Variants in TAFA2 observed in about 807,000 individuals in gnomAD.
TAFA2 encodes the protein chemokine-like protein TAFA-2.
In TAFA2, 7 loss-of-function variants were observed where a neutral mutation model predicts 18.8. That is an observed-to-expected ratio of 0.37 (90% CI 0.21 to 0.70). TAFA2 has a LOEUF of 0.70. TAFA2 is among the 30% of genes least tolerant of loss of function. The probability of loss-of-function intolerance (pLI) is 0.53; values close to 1 mark genes in which losing one functional copy is unlikely to be tolerated. For missense variants in TAFA2, 122 were observed against 158.1 expected (o/e 0.77, Z 1.23); for synonymous variants, 60 against 54.2 (o/e 1.11, Z -0.47).
At chr12:62,232,475 T>C (rs180832215) in intron 1 of TAFA2, among the ~76,000 whole-genome samples, 1 of 152,254 alleles carries the variant, frequency 6.6e-6, no homozygotes, top group African/African-American at 2.4e-5. Context: ...AGCCAGGAAA[T>C]GGCAGAGGCA....
chr12:62,081,144 G>A (rs184263762), intron 1 of TAFA2, among the ~76,000 whole-genome samples: 7 of 152,212 alleles, frequency 4.6e-5, no homozygotes, highest in African/African-American at 1.2e-4. Context: ...GCAGTGAACC[G>A]AGATCGCGCC....
chr12:61,918,987 A>G (rs1296716890), intron 1 of TAFA2, among the ~76,000 whole-genome samples: 4 of 152,194 alleles, frequency 2.6e-5, no homozygotes, highest in African/African-American at 9.7e-5. Context: ...CATAGTTCCA[A>G]TCTCTTTGGG....
intron 1 of TAFA2, among the ~76,000 whole-genome samples, chr12:62,001,958 T>C (rs2136701566): frequency 6.6e-6 from 1 of 152,284 alleles, no homozygotes; most frequent in East Asian, 1.9e-4. Flanking sequence ...CATGATAATA[T>C]GAACAAAACA....
At chr12:62,023,334 G>A (rs1382053562) in intron 1 of TAFA2, among the ~76,000 whole-genome samples, 1 of 149,396 alleles carries the variant, frequency 6.7e-6, no homozygotes, top group Non-Finnish European at 1.5e-5. Flanking sequence ...TGCTATAAAA[G>A]GTGCAGGAAA....
chr12:62,247,261 A>G (rs2136992817), intron 1 of TAFA2, among the ~76,000 whole-genome samples: 1 of 152,310 alleles, frequency 6.6e-6, no homozygotes, highest in African/African-American at 2.4e-5. Context: ...GTTGGAACTA[A>G]TTCCTCGCCA....
chr12:62,135,476 C>G (rs923880610), intron 1 of TAFA2, among the ~76,000 whole-genome samples: 6 of 151,998 alleles, frequency 3.9e-5, no homozygotes, highest in Non-Finnish European at 8.8e-5. Flanking sequence ...ATCTCTTCAT[C>G]ACAAGGTTAT....
chr12:62,015,736 C>T (rs1449907440), intron 1 of TAFA2, among the ~76,000 whole-genome samples: 1 of 152,164 alleles, frequency 6.6e-6, no homozygotes, highest in African/African-American at 2.4e-5. Context: ...AGCAGTGAGA[C>T]ATCCATCCCA....
chr12:61,867,790 A>G (rs1345493140), intron 1 of TAFA2, among the ~76,000 whole-genome samples: 1 of 152,140 alleles, frequency 6.6e-6, no homozygotes, highest in Non-Finnish European at 1.5e-5. Flanking sequence ...ATGCCTTATT[A>G]TTTTACTTTT....
At chr12:61,809,047 T>A (rs1235267419) in intron 2 of TAFA2, among the ~76,000 whole-genome samples, 1 of 151,538 alleles carries the variant, frequency 6.6e-6, no homozygotes, top group East Asian at 1.9e-4. Flanking sequence ...AATAGATGAG[T>A]CACAGATGAC....
chr12:62,010,057 GCTTTTACATTTTTGTACTATAGGTTTA>G (rs1443460376), intron 1 of TAFA2, among the ~76,000 whole-genome samples: 1 of 152,062 alleles, frequency 6.6e-6, no homozygotes, highest in Non-Finnish European at 1.5e-5. Flanking sequence ...TTCTCCATTA[GCTTTTACATTTTTGTACTATAGGTTTA>G]CTTTTCCAAC....
chr12:62,078,727 C>T (rs1868275550), intron 1 of TAFA2, among the ~76,000 whole-genome samples: 1 of 152,232 alleles, frequency 6.6e-6, no homozygotes, highest in East Asian at 1.9e-4. Context: ...CCTTATGCTC[C>T]TCCCTTGTCT....
chr12:61,820,935 T>C (rs897976567), intron 2 of TAFA2, among the ~76,000 whole-genome samples: 1 of 152,074 alleles, frequency 6.6e-6, no homozygotes, highest in African/African-American at 2.4e-5. Context: ...TGGACAGGTG[T>C]ATCCATAATC....
chr12:61,876,908 A>G (rs12313392), intron 1 of TAFA2, among the ~76,000 whole-genome samples: 7,970 of 152,282 alleles, frequency 0.052, 699 homozygotes, highest in African/African-American at 0.18. Flanking sequence ...CAACGTCACA[A>G]TGAAAGAGAC....
intron 2 of TAFA2, among the ~76,000 whole-genome samples, chr12:61,791,338 G>A (rs1441604806): frequency 6.6e-6 from 1 of 151,514 alleles, no homozygotes; most frequent in Non-Finnish European, 1.5e-5. Context: ...GGCAACAAAA[G>A]CAAAAACAAA....
chr12:61,943,423 A>G (rs1431136063), intron 1 of TAFA2, among the ~76,000 whole-genome samples: 8 of 150,158 alleles, frequency 5.3e-5, no homozygotes, highest in Non-Finnish European at 3.0e-5. Context: ...AGCTAACATC[A>G]TAATGACAGG....
intron 1 of TAFA2, among the ~76,000 whole-genome samples, chr12:62,039,375 T>C (rs950989948): frequency 6.6e-6 from 1 of 152,152 alleles, no homozygotes; most frequent in Non-Finnish European, 1.5e-5. Context: ...TAATAAATCA[T>C]TATAATTTAT....
At chr12:61,802,094 T>A (rs1237846336) in intron 2 of TAFA2, among the ~76,000 whole-genome samples, 1 of 151,976 alleles carries the variant, frequency 6.6e-6, no homozygotes, top group Non-Finnish European at 1.5e-5. Context: ...ATGGGTATTA[T>A]CAAGAAAACA....
intron 1 of TAFA2, among the ~76,000 whole-genome samples, chr12:62,209,894 A>T (rs1356912228): frequency 6.6e-6 from 1 of 152,202 alleles, no homozygotes; most frequent in African/African-American, 2.4e-5. Flanking sequence ...TGCCCAAGCA[A>T]TTAAGTTAAA....
chr12:61,937,629 A>G (rs1877825614), intron 1 of TAFA2, among the ~76,000 whole-genome samples: 1 of 152,164 alleles, frequency 6.6e-6, no homozygotes, highest in South Asian at 2.1e-4. Flanking sequence ...CTGGATCCCT[A>G]TCTTTCACCT....
Sources: gnomAD v4.1 joint callset for allele counts (sites outside exome capture counted in the v4.1 genomes callset) on GRCh38, gnomAD v4.1.1 for gene constraint, MANE v1.5 for transcripts, NCBI Gene and HGNC (gene_info 2026-07-23, HGNC 2026-07-21) for gene names.